The following SPIDR variants were observed in gnomAD, a reference collection of about 807,000 sequenced individuals.
SPIDR encodes DNA repair-scaffolding protein.
Under a neutral mutation model 104.6 loss-of-function variants are expected in SPIDR, and 93 were observed. The ratio of observed to expected loss-of-function variants is 0.89; its 90% CI spans 0.75 to 1.06. The LOEUF is 1.06. Among genes scored for constraint, SPIDR ranks in the 50% least tolerant of loss-of-function variants. The pLI, the probability that SPIDR is intolerant of heterozygous loss-of-function variation, is 0.00. For synonymous variants in SPIDR, 431 were observed against 416.9 expected (o/e 1.03, Z -0.41); for missense variants, 1,154 against 1,111.2 (o/e 1.04, Z -0.55).
chr8:47,564,372 C>T (rs928922087), intron 8 of SPIDR, among the ~76,000 whole-genome samples: 4 of 151,946 alleles, frequency 2.6e-5, no homozygotes, highest in Non-Finnish European at 4.4e-5. Flanking sequence ...CCACCACGCC[C>T]GACTTTTTAC....
chr8:47,422,310 G>A (rs538554766), intron 7 of SPIDR, among the ~76,000 whole-genome samples: 3 of 152,108 alleles, frequency 2.0e-5, no homozygotes, highest in East Asian at 1.9e-4. Context: ...CAGCAATGGC[G>A]GGCTCCCCTC....
intron 8 of SPIDR, among the ~76,000 whole-genome samples, chr8:47,448,508 G>A (rs1308752652): frequency 1.3e-5 from 2 of 152,136 alleles, no homozygotes; most frequent in Non-Finnish European, 2.9e-5. Flanking sequence ...TCACAGTGTG[G>A]TGGAAGAGAA....
At chr8:47,455,399 T>C (rs1165226032) in intron 8 of SPIDR, among the ~76,000 whole-genome samples, 6 of 151,372 alleles carry the variant, frequency 4.0e-5, no homozygotes, top group African/African-American at 9.7e-5. Context: ...CAAATTAAAA[T>C]GAAACACACA....
chr8:47,688,016 A>AGTGTGTGTGTGT (rs141582845), intron 11 of SPIDR, among the ~76,000 whole-genome samples: 2,289 of 145,720 alleles, frequency 0.016, 24 homozygotes, highest in Admixed American at 0.018. Context: ...AAAAAAAAAA[A>AGTGTGTGTGTGT]GTGTGTGTGT....
At chr8:47,453,891 C>A (rs2072407532) in intron 8 of SPIDR, among the ~76,000 whole-genome samples, 1 of 152,170 alleles carries the variant, frequency 6.6e-6, no homozygotes, top group Non-Finnish European at 1.5e-5. Context: ...CTCATTATCA[C>A]TAGCTATCAG....
chr8:47,598,668 C>A (rs930500879), intron 9 of SPIDR, among the ~76,000 whole-genome samples: 3 of 152,124 alleles, frequency 2.0e-5, no homozygotes, highest in Non-Finnish European at 2.9e-5. Flanking sequence ...AGCAGAACTT[C>A]CTGTGTGTTT....
At chr8:47,579,750 A>G (rs1237499136) in intron 8 of SPIDR, among the ~76,000 whole-genome samples, 1 of 151,916 alleles carries the variant, frequency 6.6e-6, no homozygotes, top group African/African-American at 2.4e-5. Context: ...TCATGCCTTC[A>G]TGTGAGCCCC....
chr8:47,664,904 AAAAG>A (rs2074696451), intron 10 of SPIDR, among the ~76,000 whole-genome samples: 1 of 152,040 alleles, frequency 6.6e-6, no homozygotes, highest in South Asian at 2.1e-4. Flanking sequence ...CAAAAAAAAA[AAAAG>A]AAATTAAGAT....
At chr8:47,485,274 A>G (rs562984239) in intron 8 of SPIDR, among the ~76,000 whole-genome samples, 50 of 152,296 alleles carry the variant, frequency 3.3e-4, no homozygotes, top group African/African-American at 1.1e-3. Flanking sequence ...ACAGTCTGAG[A>G]TCAAACTGCA....
intron 8 of SPIDR, among the ~76,000 whole-genome samples, chr8:47,526,759 A>T (rs1716060613): frequency 6.6e-6 from 1 of 152,226 alleles, no homozygotes; most frequent in South Asian, 2.1e-4. Context: ...CTGGCATATA[A>T]GGCAGGTGGA....
chr8:47,273,934 C>T (rs1032646379), intron 1 of SPIDR, among the ~76,000 whole-genome samples: 248 of 152,282 alleles, frequency 1.6e-3, no homozygotes, highest in African/African-American at 5.8e-3. Flanking sequence ...CTCCTCCTTT[C>T]TCAGAGGTTA....
At chr8:47,467,486 C>A (rs930053980) in intron 8 of SPIDR, among the ~76,000 whole-genome samples, 1 of 151,974 alleles carries the variant, frequency 6.6e-6, no homozygotes, top group Non-Finnish European at 1.5e-5. Flanking sequence ...AAACTGAGTC[C>A]GCAACACATC....
intron 8 of SPIDR, 110 bp downstream of exon 8, chr8:47,440,652 G>A: frequency 9.2e-7 from 1 of 1,088,812 alleles, no homozygotes; most frequent in Non-Finnish European, 1.3e-6. Context: ...CAATGCGAGA[G>A]GAAGAGAGCC....
intron 10 of SPIDR, among the ~76,000 whole-genome samples, chr8:47,662,730 G>A (rs2154464158): frequency 6.6e-6 from 1 of 152,142 alleles, no homozygotes; most frequent in East Asian, 1.9e-4. Context: ...TATTGCTATG[G>A]TCTGAATGTT....
chr8:47,411,413 A>T (rs2063508881), intron 7 of SPIDR, among the ~76,000 whole-genome samples: 1 of 152,196 alleles, frequency 6.6e-6, no homozygotes, highest in Admixed American at 6.5e-5. Context: ...ATGGCCAGTG[A>T]TGGTGAGCAT....
chr8:47,266,769 A>G (rs1231221715), intron 1 of SPIDR, among the ~76,000 whole-genome samples: 1 of 152,222 alleles, frequency 6.6e-6, no homozygotes, highest in Non-Finnish European at 1.5e-5. Context: ...AATAAAATCT[A>G]CCCTTTTAAA....
rs372401473 is a variant in SPIDR at position 47,517,233 on chromosome 8, G to A, written c.1097+76691G>A. 7.2e-5 allele frequency among the ~76,000 whole-genome samples: 11 copies of A among 152,206 alleles called. No individual in the cohort carries two copies. In the South Asian group the frequency reaches 1.5e-3, roughly 20 times the overall value. On this transcript the variant is annotated intron_variant, in intron 8 of 19. Transcript: ENST00000297423. ...ACTTCTGACCTCAAGTGATCAACCC[G>A]TCTCGACCTCCCAAAGTTCTAGGAT...
At chr8:47,721,064 A>T (rs2083327492) in intron 16 of SPIDR, among the ~76,000 whole-genome samples, 1 of 151,944 alleles carries the variant, frequency 6.6e-6, no homozygotes, top group South Asian at 2.1e-4. Flanking sequence ...GGCCCTTTTC[A>T]TACTCTTAAT....
rs543812165 is a variant in SPIDR, at chr8:47,514,192, C to T, written c.1097+73650C>T. On this transcript the variant is annotated intron_variant, in intron 8 of 19. Coordinates refer to ENST00000297423, the MANE Select transcript of SPIDR (RefSeq NM_001080394.4). ...GCTTGTGTCCTGTATATTTTACATT[C>T]GTTAAATTGTCTGACTCTGAAGTTA... is the stretch of plus-strand genomic sequence containing the variant. Among the ~76,000 whole-genome samples, 713 of 152,184 alleles carry T rather than the reference C, an allele frequency of 4.7e-3. 2 individuals carry two copies. Among genetic ancestry groups the T allele is most frequent in the Non-Finnish European group, 7.7e-3 (527 of 68,000 alleles).
Sources: allele counts gnomAD v4.1 joint callset (sites outside exome capture counted in the v4.1 genomes callset), GRCh38; gene constraint gnomAD v4.1.1; transcripts MANE v1.5; gene names NCBI Gene and HGNC (gene_info 2026-07-23, HGNC 2026-07-21).